RSPH14: variants seen among roughly 807,000 people sequenced by gnomAD.
RSPH14 encodes the protein rhabdoid tumor deletion region gene 1.
In RSPH14, 20 loss-of-function variants were observed where a neutral mutation model predicts 26.7. The ratio of observed to expected loss-of-function variants is 0.75; its 90% CI spans 0.53 to 1.09. The LOEUF (loss-of-function observed/expected upper bound fraction) is 1.09, where lower values mean the gene tolerates loss of function less well. Ranked by LOEUF, RSPH14 falls within the 50% of genes least tolerant of loss-of-function variation. The pLI, the probability that RSPH14 is intolerant of heterozygous loss-of-function variation, is 0.00. For missense variants in RSPH14, 449 were observed against 457.2 expected (o/e 0.98, Z 0.16); for synonymous variants, 177 against 189.3 (o/e 0.93, Z 0.53).
intron 5 of RSPH14, among the ~76,000 whole-genome samples, chr22:23,062,249 C>T (rs1397109634): frequency 2.0e-5 from 3 of 152,212 alleles, no homozygotes; most frequent in African/African-American, 7.2e-5. Context: ...CAGCAGGACC[C>T]AGGGGTGTCA....
At chr22:23,157,618 C>T in the RSPH14 span, among the ~76,000 whole-genome samples, 2 of 152,232 alleles carry the variant, frequency 1.3e-5, no homozygotes, top group Non-Finnish European at 2.9e-5. Context: ...CTGAGAGCTA[C>T]AGGTCTCGTC....
chr22:23,152,099 C>T, the RSPH14 span, among the ~76,000 whole-genome samples: 4 of 152,234 alleles, frequency 2.6e-5, no homozygotes, highest in African/African-American at 4.8e-5. Context: ...GCACAGCTCC[C>T]GGACAGCACA....
At chr22:23,075,120 T>C (rs2068477407) in intron 4 of RSPH14, among the ~76,000 whole-genome samples, 1 of 152,144 alleles carries the variant, frequency 6.6e-6, no homozygotes, top group Non-Finnish European at 1.5e-5. Context: ...AAGGATAATA[T>C]TGGGGATGTA....
At chr22:23,139,514 A>G (rs754893658) in intron 2 of RSPH14, among the ~76,000 whole-genome samples, 8 of 152,242 alleles carry the variant, frequency 5.3e-5, no homozygotes, top group Non-Finnish European at 1.0e-4. Context: ...CCAGCTACTC[A>G]GGAGGCTGAG....
chr22:23,174,638 A>G, the RSPH14 span, among the ~76,000 whole-genome samples: 28 of 151,356 alleles, frequency 1.8e-4, no homozygotes, highest in African/African-American at 6.8e-4. Flanking sequence ...CCTTATGCGC[A>G]GTTTATGACA....
At chr22:23,158,885 C>T in the RSPH14 span, 5 of 1,613,100 alleles carry the variant, frequency 3.1e-6, no homozygotes, top group South Asian at 1.1e-5. Flanking sequence ...CAGCCTCTCT[C>T]CTTACACTCC....
At chr22:23,084,089 G>T (rs980910984) in intron 4 of RSPH14, among the ~76,000 whole-genome samples, 1 of 152,192 alleles carries the variant, frequency 6.6e-6, no homozygotes, top group Non-Finnish European at 1.5e-5. Context: ...CAGTTCCTGG[G>T]AGGGTAGCTT....
rs139018617 is a variant in RSPH14 at position 23,105,585 on chromosome 22, G to A, written c.421+28441C>T. ...CAAAGGCAAACCAGGCAAGGGTGTC[G>A]GCCTTGGGTTCCTGGGGATCCTCTG... On this transcript the variant is annotated intron_variant, in intron 4 of 6. Coordinates refer to ENST00000216036, the MANE Select transcript of RSPH14 (RefSeq NM_014433.3). Among the ~76,000 whole-genome samples, 427 of 152,320 alleles carry A rather than the reference G, an allele frequency of 2.8e-3. 1 individual carries two copies. Among genetic ancestry groups the A allele is most frequent in the Non-Finnish European group, 5.2e-3 (357 of 68,028 alleles).
At chr22:23,116,897 A>C (rs1284925686) in intron 4 of RSPH14, among the ~76,000 whole-genome samples, 1 of 152,104 alleles carries the variant, frequency 6.6e-6, no homozygotes, top group Non-Finnish European at 1.5e-5. Flanking sequence ...TGGGAGGGGG[A>C]CAGGCCCCTG....
At chr22:23,088,324 C>T (rs1326637329) in intron 4 of RSPH14, among the ~76,000 whole-genome samples, 1 of 152,146 alleles carries the variant, frequency 6.6e-6, no homozygotes, top group Non-Finnish European at 1.5e-5. Flanking sequence ...TGGAGCCTTA[C>T]CCACTCTGCC....
At chr22:23,158,825 C>T in the RSPH14 span, 2 of 1,387,284 alleles carry the variant, frequency 1.4e-6, no homozygotes, top group African/African-American at 1.4e-5. Flanking sequence ...GGGGAGGTCC[C>T]AAGTGTGCCC....
At chr22:23,094,689 G>A (rs1220088194) in intron 4 of RSPH14, among the ~76,000 whole-genome samples, 2 of 152,248 alleles carry the variant, frequency 1.3e-5, no homozygotes, top group African/African-American at 4.8e-5. Context: ...CCTATCTGCT[G>A]GCTCCTGGGC....
intron 4 of RSPH14, among the ~76,000 whole-genome samples, chr22:23,106,182 G>A (rs554241251): frequency 6.6e-6 from 1 of 152,338 alleles, no homozygotes; most frequent in South Asian, 2.1e-4. Flanking sequence ...GGAATACAGA[G>A]GCTCCCATTT....
At chr22:23,093,312 C>T (rs929327658) in intron 4 of RSPH14, among the ~76,000 whole-genome samples, 8 of 152,246 alleles carry the variant, frequency 5.3e-5, no homozygotes, top group African/African-American at 1.9e-4. Flanking sequence ...CCTGGTGAAG[C>T]GGGAAAGTTC....
At chr22:23,171,344 T>C in the RSPH14 span, among the ~76,000 whole-genome samples, 1 of 152,070 alleles carries the variant, frequency 6.6e-6, no homozygotes, top group Non-Finnish European at 1.5e-5. Context: ...GAAGTCATCA[T>C]ACTGATGCTG....
At chr22:23,090,335 C>T (rs1031200876) in intron 4 of RSPH14, among the ~76,000 whole-genome samples, 3 of 152,132 alleles carry the variant, frequency 2.0e-5, no homozygotes, top group African/African-American at 4.8e-5. Flanking sequence ...CACTGTGCAC[C>T]GTACAGCTCA....
At chr22:23,099,333 G>A (rs987676948) in intron 4 of RSPH14, among the ~76,000 whole-genome samples, 9 of 152,350 alleles carry the variant, frequency 5.9e-5, no homozygotes, top group East Asian at 1.9e-4. Flanking sequence ...CCATGGCCAC[G>A]GTTCCCACCC....
chr22:23,074,877 AATT>A (rs2068473003), intron 4 of RSPH14, among the ~76,000 whole-genome samples: 1 of 152,022 alleles, frequency 6.6e-6, no homozygotes, highest in Admixed American at 6.6e-5. Context: ...CCCATTTGAA[AATT>A]ATTAAGGGCC....
chr22:23,115,068 G>A (rs1569183895), intron 4 of RSPH14, among the ~76,000 whole-genome samples: 1 of 152,168 alleles, frequency 6.6e-6, no homozygotes, highest in East Asian at 1.9e-4. Flanking sequence ...CCCTAGTTGG[G>A]CCAGCTGGCC....
Sources: allele counts gnomAD v4.1 joint callset (sites outside exome capture counted in the v4.1 genomes callset), GRCh38; gene constraint gnomAD v4.1.1; transcripts MANE v1.5; gene names NCBI Gene and HGNC (gene_info 2026-07-23, HGNC 2026-07-21).